The following OTOP1 variants were observed in gnomAD, a reference collection of about 807,000 sequenced individuals.
OTOP1 encodes the protein proton channel OTOP1.
A neutral mutation model predicts 52.9 loss-of-function variants in OTOP1; 59 were observed. The ratio of observed to expected loss-of-function variants is 1.12; its 90% CI spans 0.91 to 1.39. The LOEUF is 1.39. Among genes scored for constraint, OTOP1 ranks in the 40% most tolerant of loss-of-function variants. The pLI is 0.00. For missense variants in OTOP1, 761 were observed against 800.9 expected (o/e 0.95, Z 0.60); for synonymous variants, 317 against 337.7 (o/e 0.94, Z 0.67).
intron 2 of OTOP1, among the ~76,000 whole-genome samples, chr4:4,211,643 T>C (rs1448665597): frequency 6.6e-6 from 1 of 152,194 alleles, no homozygotes; most frequent in South Asian, 2.1e-4. Flanking sequence ...TGTGGGCCTG[T>C]AGTCCTACCT....
chr4:4,195,242 A>G (rs1716594824), intron 5 of OTOP1, among the ~76,000 whole-genome samples: 2 of 152,212 alleles, frequency 1.3e-5, no homozygotes, highest in Admixed American at 1.3e-4. Flanking sequence ...CTCCCAAAAC[A>G]TGCCATGGTG....
chr4:4,202,490 T>C lies in OTOP1; in HGVS notation c.688A>G (p.Lys230Glu), dbSNP rs748457536. The change falls in exon 4 of 6, where the codon AAG (lysine) becomes GAG (glutamate). Residue 230 changes from lysine to glutamate, a missense_variant. Around this residue, in one of 3 missense-constraint regions of OTOP1, gnomAD observed 632 missense variants for 619.5 expected, o/e 1.02. Coordinates refer to ENST00000296358, the MANE Select transcript of OTOP1 (RefSeq NM_177998.3). Reference sequence around the variant, plus strand: ...AAACCCAGAGTGATGAGCCGTTCCTTGTGCTCATTGAGTTGGTGCTTTGAC... The same window carrying C: ...AAACCCAGAGTGATGAGCCGTTCCTCGTGCTCATTGAGTTGGTGCTTTGAC... ...NESKHQLNEH[K>E]ERLITLGFGN... is the part of the protein sequence containing the mutation. The C allele has an allele frequency of 1.5e-5, 25 of 1,614,108 alleles. No homozygotes were observed. The South Asian group carries it at 2.1e-4, about 13-fold the overall frequency.
chr4:4,211,736 T>C (rs1717031332), intron 2 of OTOP1, among the ~76,000 whole-genome samples: 1 of 152,102 alleles, frequency 6.6e-6, no homozygotes, highest in South Asian at 2.1e-4. Context: ...CACTCCACCC[T>C]GGGCAACAGA....
At chr4:4,194,505 A>G (rs1054521263) in intron 5 of OTOP1, among the ~76,000 whole-genome samples, 2 of 152,210 alleles carry the variant, frequency 1.3e-5, no homozygotes, top group Non-Finnish European at 2.9e-5. Context: ...AACTGAAGGA[A>G]GCCGGGTGAT....
At chr4:4,192,249 C>A (rs928416134) in intron 5 of OTOP1, among the ~76,000 whole-genome samples, 2 of 152,124 alleles carry the variant, frequency 1.3e-5, no homozygotes, top group African/African-American at 2.4e-5. Context: ...GCTGGAGACC[C>A]ACCTGTGGGT....
At chr4:4,225,156 C>T (rs1252189490) in intron 1 of OTOP1, among the ~76,000 whole-genome samples, 3 of 152,214 alleles carry the variant, frequency 2.0e-5, no homozygotes, top group South Asian at 2.1e-4. Flanking sequence ...GCCTGGACCA[C>T]GTGGTGTGAA....
Position 4,199,220 on chromosome 4 carries a change from T to TTGTGTGTGTGTGTGTGTG in OTOP1, c.731-1118_731-1117insCACACACACACACACACA, listed in dbSNP as rs151144007. 6.1e-4 allele frequency among the ~76,000 whole-genome samples: 33 copies of TTGTGTGTGTGTGTGTGTG among 54,184 alleles called. 3 individuals carry two copies. The highest frequency in any genetic ancestry group is 0.01 in the Middle Eastern group (1 of 96). The allele number at this position is 54,184 out of a possible 152,430, so 35.5% of individuals were successfully genotyped here. On this transcript the variant is annotated intron_variant, in intron 4 of 5. Transcript: ENST00000296358. Reference sequence around the variant, plus strand: ...TAATTTAAAAAAAACTCAGGTAAAATTGTGTGTGTGTGTGAGAGAGAGAGA... The same window carrying TTGTGTGTGTGTGTGTGTG: ...TAATTTAAAAAAAACTCAGGTAAAATTGTGTGTGTGTGTGTGTGTGTGTGTGTGTGTGAGAGAGAGAGA...
chr4:4,214,039 G>C (rs1717083177), intron 1 of OTOP1, among the ~76,000 whole-genome samples: 1 of 152,180 alleles, frequency 6.6e-6, no homozygotes, highest in Non-Finnish European at 1.5e-5. Context: ...GCAGTGAGCT[G>C]AGATCATGCC....
At chr4:4,202,648 C>T (rs1402205270) in intron 3 of OTOP1, 70 bp from the exon 4 acceptor site, 47 of 1,572,594 alleles carry the variant, frequency 3.0e-5, no homozygotes, top group Admixed American at 3.4e-5. Context: ...GTGAGACAGA[C>T]GTGTGCACAC....
chr4:4,207,548 G>T (rs1407856476), intron 2 of OTOP1, among the ~76,000 whole-genome samples: 6 of 149,650 alleles, frequency 4.0e-5, no homozygotes, highest in African/African-American at 1.5e-4. Flanking sequence ...AATGCTTTTT[G>T]CTTTTTTTTT....
intron 1 of OTOP1, among the ~76,000 whole-genome samples, chr4:4,223,405 G>A (rs537661841): frequency 9.0e-6 from 1 of 111,482 alleles, no homozygotes; most frequent in Admixed American, 8.8e-5. Context: ...ATGGATGGAC[G>A]GACAGATGGA....
intron 3 of OTOP1, among the ~76,000 whole-genome samples, chr4:4,202,909 C>G (rs901717644): frequency 6.6e-6 from 1 of 152,210 alleles, no homozygotes; most frequent in Non-Finnish European, 1.5e-5. Flanking sequence ...CCCCACCACA[C>G]CCCAAATCTT....
intron 1 of OTOP1, among the ~76,000 whole-genome samples, chr4:4,219,328 T>A (rs1232866337): frequency 6.6e-6 from 1 of 152,142 alleles, no homozygotes; most frequent in African/African-American, 2.4e-5. Flanking sequence ...AATGGCAATA[T>A]TAATATCAGA....
Position 4,188,985 on chromosome 4 carries a change from G to C in OTOP1, c.1669-12C>G, listed in dbSNP as rs1560203416. On this transcript the variant is annotated splice_polypyrimidine_tract_variant and intron_variant, in intron 5 of 5. Transcript: ENST00000296358. ...GGAGGTATCCAAAGCTGCAAGAGAA[G>C]AGAAAATGGCATGTGGTGGGGAGCA... 4 of 1,609,574 alleles carry C rather than the reference G, an allele frequency of 2.5e-6. No individual in the cohort carries two copies. Among genetic ancestry groups the C allele is most frequent in the Non-Finnish European group, 3.4e-6 (4 of 1,177,794 alleles).
intron 2 of OTOP1, among the ~76,000 whole-genome samples, chr4:4,209,703 T>C (rs569495441): frequency 1.2e-3 from 184 of 152,240 alleles, no homozygotes; most frequent in Middle Eastern, 0.01. Flanking sequence ...TGTCCCCACC[T>C]TGCAAGTAAG....
chr4:4,211,292 C>G (rs150774882), intron 2 of OTOP1, among the ~76,000 whole-genome samples: 3,508 of 152,294 alleles, frequency 0.023, 138 homozygotes, highest in African/African-American at 0.079. Context: ...AAAGAACCTT[C>G]TCAAACTGGA....
intron 5 of OTOP1, among the ~76,000 whole-genome samples, chr4:4,194,493 C>T (rs1474851258): frequency 6.6e-6 from 1 of 152,242 alleles, no homozygotes; most frequent in Non-Finnish European, 1.5e-5. Context: ...CACTGCCTAG[C>T]AAACTGAAGG....
In OTOP1 at chr4:4,197,251, A is replaced by G. The variant is rs765434264; in HGVS notation, c.1583T>C (p.Val528Ala). The change falls in exon 5 of 6, where the codon GTC becomes GCC. Residue 528 changes from valine (V) to alanine (A), a missense_variant. Around this residue, in one of 3 missense-constraint regions of OTOP1, gnomAD observed 632 missense variants for 619.5 expected, o/e 1.02. Coordinates refer to ENST00000296358, the MANE Select transcript of OTOP1 (RefSeq NM_177998.3). ...ESSWGGSPSP[V>A]RLPRFLQGNA... ...GCCCTGTAAGAAACGGGGAAGGCGG[A>G]CTGGGCTTGGGCTCCCTCCCCAGCT... The G allele has an allele frequency of 6.2e-7, 1 of 1,614,060 alleles. No homozygotes were observed. The highest frequency in any genetic ancestry group is 8.5e-7 in the Non-Finnish European group (1 of 1,180,048).
At chr4:4,221,056 T>A (rs1230558187) in intron 1 of OTOP1, among the ~76,000 whole-genome samples, 2 of 122,388 alleles carry the variant, frequency 1.6e-5, no homozygotes, top group Non-Finnish European at 3.2e-5. Flanking sequence ...TTTTATTTTA[T>A]TTTATTTTAT....
Sources: allele counts gnomAD v4.1 joint callset (sites outside exome capture counted in the v4.1 genomes callset), GRCh38; gene constraint gnomAD v4.1.1; regional missense constraint gnomAD v4.1.1; transcripts MANE v1.5; gene names NCBI Gene and HGNC (gene_info 2026-07-23, HGNC 2026-07-21).